The following PPP1R16B variants were observed in gnomAD, a reference collection of about 807,000 sequenced individuals.
The protein encoded by PPP1R16B is protein phosphatase 1 regulatory inhibitor subunit 16B.
Under a neutral mutation model 61.7 loss-of-function variants are expected in PPP1R16B, and 14 were observed. That is an observed-to-expected ratio of 0.23 (90% CI 0.15 to 0.35). The LOEUF (loss-of-function observed/expected upper bound fraction) is 0.35. Ranked by LOEUF, PPP1R16B falls within the 10% of genes least tolerant of loss-of-function variation. The pLI, the probability that PPP1R16B is intolerant of heterozygous loss-of-function variation, is 1.00. For synonymous variants in PPP1R16B, 266 were observed against 305.3 expected, an observed-to-expected ratio of 0.87 and a Z score of 1.34; for missense variants, 547 against 752.5, an observed-to-expected ratio of 0.73 and a Z score of 3.19.
chr20:38,825,673 A>G (rs1021822482), intron 1 of PPP1R16B, among the ~76,000 whole-genome samples: 3 of 152,076 alleles, frequency 2.0e-5, no homozygotes. Flanking sequence ...TGCCACAGTG[A>G]GTTGTTGCTG....
rs185226125 is a variant in PPP1R16B, at chr20:38,898,670, C to T, written c.468-1911C>T. On this transcript the variant is annotated intron_variant, in intron 4 of 10. Transcript: ENST00000299824. ...ACTAAAAATACAAAAATTAGCTGGG[C>T]GTGGTGGTGCACGCCTGTAATCCCA... Among the ~76,000 whole-genome samples the T allele has an allele frequency of 4.4e-3, 676 of 152,076 alleles. 4 individuals carry two copies. The highest frequency in any genetic ancestry group is 0.016 in the African/African-American group (650 of 41,484).
chr20:38,830,356 G>A (rs1227930825), intron 1 of PPP1R16B, among the ~76,000 whole-genome samples: 3 of 152,184 alleles, frequency 2.0e-5, no homozygotes, highest in Admixed American at 1.3e-4. Flanking sequence ...TTATTGCCAC[G>A]AAGATCAATG....
chr20:38,817,366 C>T (rs948697834), intron 1 of PPP1R16B, among the ~76,000 whole-genome samples: 11 of 151,880 alleles, frequency 7.2e-5, no homozygotes, highest in East Asian at 5.9e-4. Flanking sequence ...AGTTCAAGAC[C>T]GGCCTAGCCA....
intron 2 of PPP1R16B, among the ~76,000 whole-genome samples, chr20:38,861,332 C>T (rs1349459426): frequency 6.6e-6 from 1 of 152,204 alleles, no homozygotes; most frequent in Admixed American, 6.5e-5. Context: ...CTGACCTGGG[C>T]AGGCCCTAGA....
In PPP1R16B at chr20:38,819,858, A is replaced by G. The variant is rs1461342142; in HGVS notation, c.-102+14066A>G. On this transcript the variant is annotated intron_variant, in intron 1 of 10. Transcript: ENST00000299824. ...AAGTACACAAATCTTAAGTGGATCA[A>G]TTTTTCACAAACTGAACCTATCTAT... Among the ~76,000 whole-genome samples the G allele has an allele frequency of 2.6e-5, 4 of 152,128 alleles. No individual in the cohort carries two copies. In the East Asian group the frequency reaches 7.7e-4, roughly 29 times the overall value.
At chr20:38,885,036 CAAAAAAAAAA>C (rs71330453) in intron 2 of PPP1R16B, among the ~76,000 whole-genome samples, 2 of 67,826 alleles carry the variant, frequency 2.9e-5, no homozygotes, top group African/African-American at 6.5e-5. Flanking sequence ...AACTCTGTCT[CAAAAAAAAAA>C]AAAAAAAAAA....
chr20:38,885,524 G>T (rs567469685), intron 2 of PPP1R16B, among the ~76,000 whole-genome samples: 1 of 152,324 alleles, frequency 6.6e-6, no homozygotes, highest in African/African-American at 2.4e-5. Flanking sequence ...CAGAAATGCT[G>T]TTCCTATTCC....
At chr20:38,849,323 T>C (rs571967455) in intron 2 of PPP1R16B, among the ~76,000 whole-genome samples, 1 of 152,344 alleles carries the variant, frequency 6.6e-6, no homozygotes, top group South Asian at 2.1e-4. Context: ...AGTGTTTCAG[T>C]AAGCCTGGAG....
At chr20:38,884,229 C>T (rs997520074) in intron 2 of PPP1R16B, among the ~76,000 whole-genome samples, 1 of 152,234 alleles carries the variant, frequency 6.6e-6, no homozygotes, top group African/African-American at 2.4e-5. Flanking sequence ...GCTGAGCAGG[C>T]TGCACACTGC....
chr20:38,885,502 G>A (rs1207468849), intron 2 of PPP1R16B, among the ~76,000 whole-genome samples: 3 of 152,204 alleles, frequency 2.0e-5, no homozygotes, highest in Admixed American at 6.5e-5. Context: ...AGGTCTCGAC[G>A]TGGCAGAAAT....
chr20:38,910,279 C>T (rs1258193887), intron 10 of PPP1R16B, among the ~76,000 whole-genome samples: 2 of 152,154 alleles, frequency 1.3e-5, no homozygotes. Flanking sequence ...CCATGCCTGG[C>T]CAAGTAGACA....
intron 2 of PPP1R16B, among the ~76,000 whole-genome samples, chr20:38,880,938 G>A (rs747557607): frequency 1.1e-4 from 16 of 152,122 alleles, no homozygotes; most frequent in Non-Finnish European, 2.2e-4. Context: ...AGCAGGGCCC[G>A]AGGGCTCTGA....
rs1464005922 is a variant in PPP1R16B at position 38,806,534 on chromosome 20, C to T, written c.-102+742C>T. On this transcript the variant is annotated intron_variant, in intron 1 of 10. Transcript: ENST00000299824. This position sits in a 1 kb window ranked among gnomAD's most constrained non-coding sequence, Gnocchi z 4.5. ...TCATCGATTCCGGCCCAGAGGAGCG[C>T]CCCCGGGCGCCGAGGATGGGCGGAG... 6.6e-6 allele frequency among the ~76,000 whole-genome samples: 1 copy of T among 152,070 alleles called. No homozygotes were observed. Among genetic ancestry groups the T allele is most frequent in the Non-Finnish European group, 1.5e-5 (1 of 67,976 alleles).
chr20:38,881,271 G>A (rs1016335956), intron 2 of PPP1R16B, among the ~76,000 whole-genome samples: 2 of 152,248 alleles, frequency 1.3e-5, no homozygotes, highest in Non-Finnish European at 2.9e-5. Flanking sequence ...TCTGCTCCAG[G>A]GAGGAGCAGT....
intron 1 of PPP1R16B, among the ~76,000 whole-genome samples, chr20:38,829,639 G>A (rs2084824775): frequency 6.6e-6 from 1 of 152,212 alleles, no homozygotes; most frequent in Non-Finnish European, 1.5e-5. Flanking sequence ...AGTGTGGATA[G>A]GTGAGCCCAG....
intron 4 of PPP1R16B, among the ~76,000 whole-genome samples, chr20:38,896,465 A>T: frequency 7.0e-6 from 1 of 142,198 alleles, no homozygotes; most frequent in South Asian, 2.4e-4. Flanking sequence ...TACTCTCCCC[A>T]TCTCTGTGTG....
At chr20:38,893,465 G>A (rs943374778) in intron 3 of PPP1R16B, among the ~76,000 whole-genome samples, 3 of 152,186 alleles carry the variant, frequency 2.0e-5, no homozygotes, top group Admixed American at 2.0e-4. Context: ...GGGGAATGAC[G>A]GGGAGGTAGG....
chr20:38,884,826 T>C (rs763312417), intron 2 of PPP1R16B, among the ~76,000 whole-genome samples: 13 of 150,308 alleles, frequency 8.6e-5, no homozygotes, highest in Non-Finnish European at 1.6e-4. Flanking sequence ...AATCCCAGGA[T>C]TTTGGGGGGC....
intron 2 of PPP1R16B, among the ~76,000 whole-genome samples, chr20:38,849,898 G>A (rs923405271): frequency 6.6e-6 from 1 of 152,106 alleles, no homozygotes; most frequent in African/African-American, 2.4e-5. Context: ...TGAGTTTTGA[G>A]CCCAATTATC....
Sources: gnomAD v4.1 joint callset for allele counts (sites outside exome capture counted in the v4.1 genomes callset) on GRCh38, gnomAD v4.1.1 for gene constraint, Gnocchi (gnomAD v3.1) non-coding constraint, MANE v1.5 for transcripts, NCBI Gene and HGNC (gene_info 2026-07-23, HGNC 2026-07-21) for gene names.